The following CGGBP1 variants were observed in gnomAD, a reference collection of about 807,000 sequenced individuals.
The protein encoded by CGGBP1 is CGG triplet repeat-binding protein 1.
CGGBP1 carries 4 observed loss-of-function variants against 11.4 expected under a neutral mutation model. The ratio of observed to expected loss-of-function variants is 0.35; its 90% CI spans 0.17 to 0.80. The LOEUF (loss-of-function observed/expected upper bound fraction) is 0.80, where lower values mean the gene tolerates loss of function less well. Ranked by LOEUF, CGGBP1 falls within the 30% of genes least tolerant of loss-of-function variation. The pLI is 0.52. For missense variants in CGGBP1, 135 were observed against 202.1 expected (o/e 0.67, Z 2.01); for synonymous variants, 76 against 74.1 (o/e 1.03, Z -0.13).
chr3:88,136,920 C>T (rs781758734), intron 2 of CGGBP1, among the ~76,000 whole-genome samples: 9 of 151,918 alleles, frequency 5.9e-5, no homozygotes, highest in Non-Finnish European at 8.8e-5. Context: ...GTAGGCTGGG[C>T]GCGATGGCTT....
chr3:88,097,591 T>A (rs6786788), intron 2 of CGGBP1, among the ~76,000 whole-genome samples: 13 of 151,924 alleles, frequency 8.6e-5, no homozygotes, highest in Admixed American at 6.6e-4. Flanking sequence ...AGTAAAACAC[T>A]CCTCAGCAAA....
chr3:88,077,745 CTG>C (rs1707891818), intron 2 of CGGBP1, among the ~76,000 whole-genome samples: 1 of 152,086 alleles, frequency 6.6e-6, no homozygotes, highest in African/African-American at 2.4e-5. Flanking sequence ...ATTTTAAAAA[CTG>C]AAGAAGTCAC....
At chr3:88,128,895 A>G (rs1428830545) in intron 2 of CGGBP1, 25 of 1,535,548 alleles carry the variant, frequency 1.6e-5, no homozygotes, top group Non-Finnish European at 2.1e-5. Context: ...ACCCGAAGCA[A>G]TGGCTCTTAT....
At chr3:88,059,120 A>ATGAT (rs1706678360), upstream of CGGBP1, 2 of 1,014,274 alleles carry the variant, frequency 2.0e-6, no homozygotes. Context: ...GGGCATGAAC[A>ATGAT]TGATTGGCAG....
chr3:88,088,738 C>CTTTA (rs1159947049), intron 2 of CGGBP1, among the ~76,000 whole-genome samples: 2 of 138,586 alleles, frequency 1.4e-5, no homozygotes, highest in African/African-American at 5.3e-5. Context: ...AAAAAAAAAC[C>CTTTA]TTTATTTATG....
At chr3:88,094,104 CT>C (rs11449650) in intron 2 of CGGBP1, among the ~76,000 whole-genome samples, 20 of 147,844 alleles carry the variant, frequency 1.4e-4, no homozygotes, top group East Asian at 2.0e-4. Context: ...AGATAATATT[CT>C]TTTTTTTTTT....
At chr3:88,058,247 G>A (rs1706618218) in intron 1 of CGGBP1, 24 bp from the exon 2 acceptor site, 1 of 152,268 alleles carries the variant, frequency 6.6e-6, no homozygotes, top group Admixed American at 6.5e-5. Flanking sequence ...AAAACAAATG[G>A]AAGGAAAAAA....
intron 2 of CGGBP1, among the ~76,000 whole-genome samples, chr3:88,065,176 G>C (rs1352650037): frequency 6.6e-6 from 1 of 152,118 alleles, no homozygotes; most frequent in South Asian, 2.1e-4. Flanking sequence ...CATAAAAGGT[G>C]AATTCCCTGG....
chr3:88,055,551 C>T lies in CGGBP1; in HGVS notation c.426G>A (p.Lys142=), dbSNP rs1382523824. The change falls in exon 4 of 4, where the codon AAG becomes AAA. Residue 142 remains lysine (K), a synonymous_variant. Coordinates refer to ENST00000482016, the MANE Select transcript of CGGBP1 (RefSeq NM_001008390.2). This position sits in a 1 kb window ranked among gnomAD's most constrained non-coding sequence, Gnocchi z 4.2. ...GATATGCCCTCCGTAGCTGGTCTGA[C>T]TTAGGTATGGAGCCTCCATTCTTCA... ...RHVKNGGSIP[K]SDQLRRAYLP... 1 of 1,600,090 alleles carries T rather than the reference C, an allele frequency of 6.2e-7. No homozygotes were observed. Among genetic ancestry groups the T allele is most frequent in the Non-Finnish European group, 8.5e-7 (1 of 1,170,162 alleles).
intron 2 of CGGBP1, among the ~76,000 whole-genome samples, chr3:88,065,636 T>C (rs1043016218): frequency 2.6e-5 from 4 of 152,208 alleles, no homozygotes; most frequent in Non-Finnish European, 2.9e-5. Context: ...TTTTAGTTTT[T>C]TAAAAATTAA....
chr3:88,131,234 A>C (rs1264019678), intron 2 of CGGBP1, among the ~76,000 whole-genome samples: 1 of 152,214 alleles, frequency 6.6e-6, no homozygotes, highest in African/African-American at 2.4e-5. Flanking sequence ...TAGAAAAAGT[A>C]CAGTAAAAAT....
intron 2 of CGGBP1, chr3:88,129,681 T>G (rs1393489485): frequency 4.2e-5 from 61 of 1,461,800 alleles, no homozygotes; most frequent in Admixed American, 1.1e-4. Context: ...TCTTTTCCTC[T>G]TACAGCATTT....
At chr3:88,128,917 T>G in intron 2 of CGGBP1, 1 of 1,535,674 alleles carries the variant, frequency 6.5e-7, no homozygotes, top group South Asian at 1.2e-5. Context: ...AAATCTTGTA[T>G]AAATCACCCA....
At chr3:88,110,757 G>C (rs745596456) in intron 2 of CGGBP1, among the ~76,000 whole-genome samples, 3 of 152,088 alleles carry the variant, frequency 2.0e-5, no homozygotes, top group Admixed American at 6.6e-5. Context: ...AAATACAACA[G>C]GTTGGAAACA....
intron 2 of CGGBP1, among the ~76,000 whole-genome samples, chr3:88,075,247 A>G (rs946222528): frequency 6.6e-6 from 1 of 152,206 alleles, no homozygotes; most frequent in Non-Finnish European, 1.5e-5. Flanking sequence ...CATATCACTT[A>G]CTTGTAGTTT....
At chr3:88,074,769 G>C (rs545623848) in intron 2 of CGGBP1, among the ~76,000 whole-genome samples, 1 of 152,042 alleles carries the variant, frequency 6.6e-6, no homozygotes, top group Admixed American at 6.5e-5. Context: ...CTAAATTCAG[G>C]GAATTACTTT....
At chr3:88,063,550 C>A (rs1233701905), upstream of CGGBP1, among the ~76,000 whole-genome samples, 1 of 152,092 alleles carries the variant, frequency 6.6e-6, no homozygotes, top group Non-Finnish European at 1.5e-5. Context: ...CTTATTATAG[C>A]TCTATGAATA....
Position 88,055,872 on chromosome 3 carries a change from A to G in CGGBP1, c.105T>C (p.His35=). The part of the protein sequence containing the change: ...DRVTEFGGEL[H]EDGGKLFCTS... ...TGCAGAAGAGTTTTCCTCCATCTTC[A>G]TGCAGCTCACCTCCAAACTCAGTGA... The change falls in exon 4 of 4, where the codon CAT becomes CAC. Residue 35 remains histidine (H), a synonymous_variant. Coordinates refer to ENST00000482016, the MANE Select transcript of CGGBP1 (RefSeq NM_001008390.2). The surrounding 1 kb of genome is among the most constrained non-coding windows in gnomAD (Gnocchi z 4.2). The G allele has an allele frequency of 1.2e-6, 2 of 1,614,178 alleles. No homozygotes were observed. Among genetic ancestry groups the G allele is most frequent in the South Asian group, 2.2e-5 (2 of 91,080 alleles).
At chr3:88,140,021 G>C in intron 2 of CGGBP1, 1 of 1,613,718 alleles carries the variant, frequency 6.2e-7, no homozygotes, top group Non-Finnish European at 8.5e-7. Context: ...TAATGAAGTG[G>C]AGCAAAGGAA....
Sources: gnomAD v4.1 joint callset for allele counts (sites outside exome capture counted in the v4.1 genomes callset) on GRCh38, gnomAD v4.1.1 for gene constraint, Gnocchi (gnomAD v3.1) non-coding constraint, MANE v1.5 for transcripts, NCBI Gene and HGNC (gene_info 2026-07-23, HGNC 2026-07-21) for gene names.